METTL16: variants seen among roughly 807,000 people sequenced by gnomAD.
The protein encoded by METTL16 is RNA N(6)-adenosine-methyltransferase METTL16.
In METTL16, 19 loss-of-function variants were observed where a neutral mutation model predicts 57.9. The observed-to-expected ratio is 0.33, with a 90% CI of 0.23 to 0.48. METTL16 has a LOEUF of 0.48. Ranked by LOEUF, METTL16 falls within the 20% of genes least tolerant of loss-of-function variation. METTL16 has a pLI of 0.99. For synonymous variants in METTL16, 246 were observed against 255.6 expected, an observed-to-expected ratio of 0.96 and a Z score of 0.36; for missense variants, 434 against 691.5, an observed-to-expected ratio of 0.63 and a Z score of 4.18.
chr17:2,467,554 T>C (rs545985668), intron 5 of METTL16, among the ~76,000 whole-genome samples: 2 of 152,238 alleles, frequency 1.3e-5, no homozygotes, highest in Non-Finnish European at 2.9e-5. Flanking sequence ...ACCTCCCAAG[T>C]AGCTGGGATT....
intron 8 of METTL16, among the ~76,000 whole-genome samples, chr17:2,432,957 G>A (rs1054989690): frequency 2.0e-5 from 3 of 152,178 alleles, no homozygotes; most frequent in African/African-American, 7.2e-5. Context: ...GCCAGACAGG[G>A]ACCAGCTCAC....
At chr17:2,488,847 G>A (rs764403522) in intron 2 of METTL16, among the ~76,000 whole-genome samples, 1 of 152,132 alleles carries the variant, frequency 6.6e-6, no homozygotes, top group Non-Finnish European at 1.5e-5. Context: ...AAAAAATTAA[G>A]TGGCCTTAAA....
In METTL16 at chr17:2,502,463, A is replaced by T. The variant is rs2067496244; in HGVS notation, c.1-132T>A. On this transcript the variant is annotated intron_variant, in intron 1 of 9. Transcript: ENST00000263092. ...AGGTAAGTAGATCACCTGATTCAGG[A>T]GTTCAAGACCATCCCATCCTGGCCA... The T allele has an allele frequency of 9.8e-6, 7 of 715,004 alleles. No individual in the cohort carries two copies. In the East Asian group the frequency reaches 1.9e-4, roughly 20 times the overall value. 44.3% of individuals were successfully genotyped at this position (715,004 alleles called of 1,614,324 possible). A position where few individuals can be genotyped will look rare whatever the true frequency, so the allele number is the denominator to read the frequency against.
intron 8 of METTL16, among the ~76,000 whole-genome samples, chr17:2,432,451 C>T (rs1181144447): frequency 6.6e-6 from 1 of 151,932 alleles, no homozygotes; most frequent in African/African-American, 2.4e-5. Context: ...TGCCTGTAGG[C>T]GCAGCTACTA....
intron 6 of METTL16, among the ~76,000 whole-genome samples, chr17:2,457,115 C>T (rs1042637073): frequency 3.3e-5 from 5 of 150,694 alleles, no homozygotes; most frequent in Non-Finnish European, 5.9e-5. Flanking sequence ...GGGTGGATCA[C>T]GAGGTCATGA....
At chr17:2,466,518 C>T (rs1055415884) in intron 5 of METTL16, among the ~76,000 whole-genome samples, 1 of 152,124 alleles carries the variant, frequency 6.6e-6, no homozygotes, top group African/African-American at 2.4e-5. Context: ...AATATGTCAG[C>T]CAATGAACTT....
At position 2,417,087 on chromosome 17, in the gene METTL16, A is replaced by ATTTTTTTTTTTTTTT. The variant is rs1567876454; in HGVS notation, c.*2882_*2883insAAAAAAAAAAAAAAA. ...TTTTTTTTTTTTTTTTTTTTTTTTG[A>ATTTTTTTTTTTTTTT]GACAGTCCCACTTTGTCGCCCAGGC... On this transcript the variant is annotated 3_prime_UTR_variant, in exon 10 of 10. Transcript: ENST00000263092. 1 of 11,364 alleles carries ATTTTTTTTTTTTTTT rather than the reference A, an allele frequency of 8.8e-5. No homozygotes were observed. The highest frequency in any genetic ancestry group is 3.0e-4 in the African/African-American group (1 of 3,384). 0.7% of individuals were successfully genotyped at this position (11,364 alleles called of 1,614,324 possible). A position where few individuals can be genotyped will look rare whatever the true frequency, so the allele number is the denominator to read the frequency against.
chr17:2,449,267 C>G (rs760277533), intron 6 of METTL16, among the ~76,000 whole-genome samples: 3 of 152,078 alleles, frequency 2.0e-5, no homozygotes, highest in Non-Finnish European at 4.4e-5. Flanking sequence ...TCAATTCTTT[C>G]CAACTTGACC....
chr17:2,481,782 G>A (rs182835245), intron 2 of METTL16, among the ~76,000 whole-genome samples: 55 of 152,040 alleles, frequency 3.6e-4, no homozygotes, highest in African/African-American at 1.3e-3. Flanking sequence ...GAAATAGAAG[G>A]CTCACTATGT....
chr17:2,428,599 A>AT (rs2066843488), intron 8 of METTL16, among the ~76,000 whole-genome samples: 2 of 41,142 alleles, frequency 4.9e-5, no homozygotes, highest in Non-Finnish European at 7.9e-5. Context: ...ATATATATAT[A>AT]TATAAATTGT....
chr17:2,478,096 TG>T (rs1212451746), intron 2 of METTL16, among the ~76,000 whole-genome samples: 3 of 152,118 alleles, frequency 2.0e-5, no homozygotes, highest in African/African-American at 7.2e-5. Context: ...CCAAAAACAC[TG>T]CATATCCGTA....
intron 5 of METTL16, among the ~76,000 whole-genome samples, chr17:2,467,281 CG>C (rs1294548613): frequency 6.6e-6 from 1 of 152,150 alleles, no homozygotes; most frequent in Non-Finnish European, 1.5e-5. Context: ...GGGGAGCTGA[CG>C]GGCGGGGGAC....
intron 2 of METTL16, among the ~76,000 whole-genome samples, chr17:2,498,369 G>A (rs566149444): frequency 2.0e-5 from 3 of 151,226 alleles, no homozygotes; most frequent in Admixed American, 6.6e-5. Context: ...CCGAGACAGC[G>A]CCACTGCACT....
intron 2 of METTL16, among the ~76,000 whole-genome samples, chr17:2,481,830 TA>T (rs1214154907): frequency 7.0e-6 from 1 of 142,396 alleles, no homozygotes; most frequent in Non-Finnish European, 1.5e-5. Context: ...TACCAACACC[TA>T]AAAAAATTAC....
In METTL16 at chr17:2,487,238, G is replaced by A. The variant is rs144668415; in HGVS notation, c.129-9353C>T. Among the ~76,000 whole-genome samples, 380 of 152,236 alleles carry A rather than the reference G, an allele frequency of 2.5e-3. 1 individual carries two copies. Among genetic ancestry groups the A allele is most frequent in the African/African-American group, 8.5e-3 (354 of 41,534 alleles). On this transcript the variant is annotated intron_variant, in intron 2 of 9. Transcript: ENST00000263092. ...AAGTTAGTAACTCTGGCAGAGAACC[G>A]TTTTTGAAGAGAAATATAAATCTGA...
chr17:2,508,233 A>G (rs1005428803), intron 1 of METTL16, among the ~76,000 whole-genome samples: 1 of 152,212 alleles, frequency 6.6e-6, no homozygotes, highest in Non-Finnish European at 1.5e-5. Flanking sequence ...AAATCTGTCA[A>G]TGCTATTTCA....
rs924982897 is a variant in METTL16, at chr17:2,419,887, C to T, written c.*83G>A. The stretch of plus-strand genomic sequence containing the variant: ...ATTCCACATCGTGCTACTAATGGGC[C>T]GCTGGTAGGATTCCTCTTGCCACCC... On this transcript the variant is annotated 3_prime_UTR_variant, in exon 10 of 10. Transcript: ENST00000263092. 9.3e-6 allele frequency: 14 copies of T among 1,512,732 alleles called. No homozygotes were observed. Among genetic ancestry groups the T allele is most frequent in the South Asian group, 4.8e-5 (4 of 82,926 alleles). The allele number at this position is 1,512,732 out of a possible 1,614,324, so 93.7% of individuals were successfully genotyped here.
In METTL16 at chr17:2,502,317, T is replaced by C. The variant is rs1245351506; in HGVS notation, c.15A>G (p.Lys5=). Residue 5 remains lysine (K), a synonymous_variant, in exon 2 of 10, where the codon AAA becomes AAG. Transcript: ENST00000263092. ...TGTATCTATTTCTTGCATGCATTGA[T>C]TTACTCAGAGCCATCTTAAGGAGAG... MALS[K]SMHARNRYKD... is the part of the protein sequence containing the mutation. 1.2e-5 allele frequency: 20 copies of C among 1,613,370 alleles called. No homozygotes were observed. The highest frequency in any genetic ancestry group is 1.4e-5 in the Non-Finnish European group (17 of 1,179,858).
chr17:2,511,202 G>A (rs2067584556), intron 1 of METTL16, among the ~76,000 whole-genome samples: 1 of 128,704 alleles, frequency 7.8e-6, no homozygotes, highest in Admixed American at 8.8e-5. Context: ...GTAGAACCCT[G>A]AGAATGAGGC....
Sources: gnomAD v4.1 joint callset for allele counts (sites outside exome capture counted in the v4.1 genomes callset) on GRCh38, gnomAD v4.1.1 for gene constraint, MANE v1.5 for transcripts, NCBI Gene and HGNC (gene_info 2026-07-23, HGNC 2026-07-21) for gene names.